The following BICC1 variants were observed in gnomAD, a reference collection of about 807,000 sequenced individuals.
BICC1 encodes protein bicaudal C homolog 1.
BICC1 carries 43 observed loss-of-function variants against 111.0 expected under a neutral mutation model. That is an observed-to-expected ratio of 0.39 (90% CI 0.30 to 0.50). BICC1 has a LOEUF of 0.50. BICC1 is among the 20% of genes least tolerant of loss of function. The probability of loss-of-function intolerance (pLI) is 0.88; values close to 1 mark genes in which losing one functional copy is unlikely to be tolerated. For missense variants in BICC1, 1,091 were observed against 1,203.2 expected, an observed-to-expected ratio of 0.91 and a Z score of 1.38; for synonymous variants, 467 against 434.4, an observed-to-expected ratio of 1.07 and a Z score of -0.93.
chr10:58,606,511 G>A (rs532610802), intron 1 of BICC1, among the ~76,000 whole-genome samples: 301 of 152,132 alleles, frequency 2.0e-3, no homozygotes, highest in African/African-American at 6.9e-3. Context: ...ATGTATACAT[G>A]TGTAACTAAC....
At chr10:58,611,510 C>T (rs1010479496) in intron 1 of BICC1, among the ~76,000 whole-genome samples, 2 of 150,540 alleles carry the variant, frequency 1.3e-5, no homozygotes. Flanking sequence ...GAATCTCGCA[C>T]TGTTGCCCGG....
intron 3 of BICC1, among the ~76,000 whole-genome samples, chr10:58,716,535 C>T (rs1027888451): frequency 6.6e-6 from 1 of 152,072 alleles, no homozygotes; most frequent in African/African-American, 2.4e-5. Context: ...TGCAGTCATA[C>T]TAGTGGTTAA....
chr10:58,582,999 T>C (rs1203566823), intron 1 of BICC1, among the ~76,000 whole-genome samples: 2 of 152,192 alleles, frequency 1.3e-5, no homozygotes, highest in South Asian at 2.1e-4. Flanking sequence ...GGGCCGTTAT[T>C]CTGCCTACCA....
chr10:58,562,686 C>A (rs1843640733), intron 1 of BICC1, among the ~76,000 whole-genome samples: 1 of 151,692 alleles, frequency 6.6e-6, no homozygotes, highest in Non-Finnish European at 1.5e-5. Context: ...CTTTTCACTT[C>A]TCTTGTGGTC....
chr10:58,657,315 CA>C (rs1426322472), intron 2 of BICC1, among the ~76,000 whole-genome samples: 3 of 152,298 alleles, frequency 2.0e-5, no homozygotes, highest in Middle Eastern at 3.4e-3. Flanking sequence ...TGTCTGCATG[CA>C]TCACTGCTCT....
At chr10:58,643,318 G>A (rs1270381820) in intron 2 of BICC1, among the ~76,000 whole-genome samples, 1 of 152,102 alleles carries the variant, frequency 6.6e-6, no homozygotes, top group African/African-American at 2.4e-5. Flanking sequence ...GTGATTTGAT[G>A]GCCTTGTTCT....
At chr10:58,801,195 G>A in intron 14 of BICC1, 149 bp downstream of exon 14, 3 of 643,286 alleles carry the variant, frequency 4.7e-6, no homozygotes, top group Non-Finnish European at 7.1e-6. Context: ...AAATATTAAG[G>A]AATAATATCT....
At chr10:58,561,030 ATGTC>A (rs1216103662) in intron 1 of BICC1, among the ~76,000 whole-genome samples, 1 of 151,992 alleles carries the variant, frequency 6.6e-6, no homozygotes, top group African/African-American at 2.4e-5. Context: ...TGTTCTGTAA[ATGTC>A]TGTCAGGTCC....
chr10:58,750,276 TA>T (rs1309182352), intron 3 of BICC1, among the ~76,000 whole-genome samples: 14 of 152,144 alleles, frequency 9.2e-5, no homozygotes, highest in Non-Finnish European at 2.1e-4. Context: ...TTGAAAGTTT[TA>T]TACTCAGTGT....
rs1280287680 is a variant in BICC1, at chr10:58,715,756, A to G, written c.307+13613A>G. The stretch of plus-strand genomic sequence containing the variant: ...GAATTTGAAGAAAAAATGAATGAGA[A>G]CTGGAAGAAAGAACTGGAAAAACAC... On this transcript the variant is annotated intron_variant, in intron 3 of 20. Transcript: ENST00000373886. 2.7e-6 allele frequency: 4 copies of G among 1,503,042 alleles called. No individual in the cohort carries two copies. The African/African-American group carries it at 4.1e-5, about 15-fold the overall frequency. 93.1% of individuals were successfully genotyped at this position (1,503,042 alleles called of 1,614,324 possible). A position where few individuals can be genotyped will look rare whatever the true frequency, so the allele number is the denominator to read the frequency against.
At chr10:58,632,463 C>T (rs1011725711) in intron 2 of BICC1, among the ~76,000 whole-genome samples, 2 of 151,974 alleles carry the variant, frequency 1.3e-5, no homozygotes, top group African/African-American at 4.8e-5. Context: ...AAGTGCCATC[C>T]AGTGTGGCGA....
intron 2 of BICC1, among the ~76,000 whole-genome samples, chr10:58,630,640 G>T (rs1050396722): frequency 7.2e-5 from 11 of 152,206 alleles, no homozygotes; most frequent in Admixed American, 2.0e-4. Context: ...CCCTTCTCCT[G>T]ATGTAGTTGG....
chr10:58,648,402 C>G (rs1349350258), intron 2 of BICC1: 2 of 495,760 alleles, frequency 4.0e-6, no homozygotes, highest in Non-Finnish European at 5.2e-6. Context: ...TCTCTCTGTC[C>G]TTTGCCAGAG....
At chr10:58,553,441 A>G (rs1440846349) in intron 1 of BICC1, among the ~76,000 whole-genome samples, 3 of 152,160 alleles carry the variant, frequency 2.0e-5, no homozygotes, top group Non-Finnish European at 2.9e-5. Flanking sequence ...CCAAAAGTCA[A>G]GGAGACAGAT....
At chr10:58,641,938 C>T (rs1053932432) in intron 2 of BICC1, among the ~76,000 whole-genome samples, 11 of 152,090 alleles carry the variant, frequency 7.2e-5, no homozygotes, top group East Asian at 5.8e-4. Flanking sequence ...GCTATTTTGA[C>T]GTCTAAATGG....
chr10:58,713,313 G>A (rs1328126418), intron 3 of BICC1, among the ~76,000 whole-genome samples: 2 of 152,076 alleles, frequency 1.3e-5, no homozygotes, highest in African/African-American at 4.8e-5. Flanking sequence ...CTTGCCTGTG[G>A]TGACATCCCA....
At chr10:58,555,505 C>T (rs1190890546) in intron 1 of BICC1, among the ~76,000 whole-genome samples, 2 of 151,838 alleles carry the variant, frequency 1.3e-5, no homozygotes, top group Admixed American at 6.6e-5. Context: ...AAAAGGGAAG[C>T]TAAGGTCTAG....
At chr10:58,646,792 A>AT (rs58035336) in intron 2 of BICC1, among the ~76,000 whole-genome samples, 148,119 of 151,906 alleles carry the variant, frequency 0.98, 72,313 homozygotes, top group East Asian at 1. Flanking sequence ...CCTGTTCCTG[A>AT]TTTTTTTTAA....
chr10:58,637,136 G>A (rs1442055582), intron 2 of BICC1, among the ~76,000 whole-genome samples: 1 of 151,890 alleles, frequency 6.6e-6, no homozygotes, highest in Non-Finnish European at 1.5e-5. Context: ...TCCATTTGTT[G>A]GTTTCCTTTT....
Sources: allele counts gnomAD v4.1 joint callset (sites outside exome capture counted in the v4.1 genomes callset), GRCh38; gene constraint gnomAD v4.1.1; transcripts MANE v1.5; gene names NCBI Gene and HGNC (gene_info 2026-07-23, HGNC 2026-07-21).